The following SLC12A6 variants were observed in gnomAD, a reference collection of about 807,000 sequenced individuals.
SLC12A6 encodes the protein K-Cl cotransporter 3.
In SLC12A6, 66 loss-of-function variants were observed where a neutral mutation model predicts 135.3. The observed-to-expected ratio is 0.49, with a 90% CI of 0.40 to 0.60. SLC12A6 has a LOEUF of 0.60. Among genes scored for constraint, SLC12A6 ranks in the 20% least tolerant of loss-of-function variants. SLC12A6 has a pLI of 0.00. For missense variants in SLC12A6, 1,058 were observed against 1,452.3 expected (o/e 0.73, Z 4.41); for synonymous variants, 513 against 508.8 (o/e 1.01, Z -0.11).
intron 10 of SLC12A6, 59 bp downstream of exon 10, chr15:34,252,111 A>G (rs1273511857): frequency 2.4e-5 from 20 of 827,114 alleles, no homozygotes; most frequent in Non-Finnish European, 4.0e-5. Context: ...ATCTAAGATG[A>G]CAAGGCCTAT....
rs1890980805 is a variant in SLC12A6, at chr15:34,231,951, A to C, written c.*1930T>G. ...TTTCTCTGTCCTTACAGGTCAAATG[A>C]ATAATTTGTGACACCTAGGTCAGCT... On this transcript the variant is annotated 3_prime_UTR_variant, in exon 26 of 26. Transcript: ENST00000354181. 1 of 152,174 alleles carries C rather than the reference A, an allele frequency of 6.6e-6. No individual in the cohort carries two copies. The highest frequency in any genetic ancestry group is 2.4e-5 in the African/African-American group (1 of 41,438). 9.4% of individuals were successfully genotyped at this position (152,174 alleles called of 1,614,324 possible). A position where few individuals can be genotyped will look rare whatever the true frequency, so the allele number is the denominator to read the frequency against.
intron 2 of SLC12A6, among the ~76,000 whole-genome samples, chr15:34,279,263 G>A (rs576390382): frequency 3.9e-5 from 6 of 151,932 alleles, no homozygotes; most frequent in African/African-American, 1.4e-4. Context: ...GCAGTTAGTG[G>A]AGATCAGGCC....
At chr15:34,237,192 G>T in intron 22 of SLC12A6, 2 of 493,824 alleles carry the variant, frequency 4.1e-6, no homozygotes, top group Admixed American at 3.3e-5. Flanking sequence ...AAATATAAGG[G>T]CTGTGTAATA....
At chr15:34,252,449 A>C in intron 9 of SLC12A6, 65 bp from the exon 10 acceptor site, 1 of 959,850 alleles carries the variant, frequency 1.0e-6, no homozygotes, top group Non-Finnish European at 1.7e-6. Flanking sequence ...AAAAAAGGAA[A>C]CAGGTTAGTA....
chr15:34,282,119 C>T (rs1362423470), intron 2 of SLC12A6, among the ~76,000 whole-genome samples: 1 of 152,140 alleles, frequency 6.6e-6, no homozygotes, highest in Non-Finnish European at 1.5e-5. Context: ...GAACCACATA[C>T]TCTACTTCAT....
rs187865813 is a variant in SLC12A6 at position 34,319,856 on chromosome 15, G to A, written c.271+16554C>T. Among the ~76,000 whole-genome samples, 504 of 151,314 alleles carry A rather than the reference G, an allele frequency of 3.3e-3. 3 individuals carry two copies. Among genetic ancestry groups the A allele is most frequent in the African/African-American group, 0.012 (480 of 41,224 alleles). ...TATGTTTAAAGAGTTCAGAACTTTTGTATTGTACAGAGTGGTTGTTTCAAA... is the reference window on the plus strand; with the variant it reads ...TATGTTTAAAGAGTTCAGAACTTTTATATTGTACAGAGTGGTTGTTTCAAA... On this transcript the variant is annotated intron_variant, in intron 2 of 25. Transcript: ENST00000354181.
rs530064276 is a variant in SLC12A6 at position 34,285,238 on chromosome 15, A to G, written c.272-9849T>C. Among the ~76,000 whole-genome samples, 4 of 152,358 alleles carry G rather than the reference A, an allele frequency of 2.6e-5. No homozygotes were observed. The South Asian group carries it at 8.3e-4, about 32-fold the overall frequency. ...GTTAGAAGGCTTTTACAGTGGTCCAAGAAAAGATAATGGTAGTATGGATCA... is the reference window on the plus strand; with the variant it reads ...GTTAGAAGGCTTTTACAGTGGTCCAGGAAAAGATAATGGTAGTATGGATCA... On this transcript the variant is annotated intron_variant, in intron 2 of 25. Transcript: ENST00000354181.
chr15:34,285,717 T>TATACACACACACACACACACACACACACA (rs144158165), intron 2 of SLC12A6, among the ~76,000 whole-genome samples: 32 of 131,104 alleles, frequency 2.4e-4, no homozygotes, highest in South Asian at 1.0e-3. Context: ...TGTGTGTTTG[T>TATACACACACACACACACACACACACACA]CATACATAAA....
At chr15:34,270,279 T>A (rs1893826039) in intron 3 of SLC12A6, among the ~76,000 whole-genome samples, 1 of 149,124 alleles carries the variant, frequency 6.7e-6, no homozygotes, top group African/African-American at 2.6e-5. Context: ...TTTGTAGAGA[T>A]GGGTTCTTGC....
At chr15:34,271,239 T>C (rs991154537) in intron 3 of SLC12A6, among the ~76,000 whole-genome samples, 3 of 152,136 alleles carry the variant, frequency 2.0e-5, no homozygotes, top group Non-Finnish European at 4.4e-5. Flanking sequence ...TAACTTTCAA[T>C]ATTAAACCAA....
At chr15:34,268,878 A>G (rs2140848295) in intron 3 of SLC12A6, among the ~76,000 whole-genome samples, 1 of 148,886 alleles carries the variant, frequency 6.7e-6, no homozygotes, top group Middle Eastern at 3.5e-3. Context: ...TTTTTTTGAG[A>G]CGGAGTCTTG....
At chr15:34,276,895 C>G (rs1014210412) in intron 2 of SLC12A6, among the ~76,000 whole-genome samples, 10 of 152,104 alleles carry the variant, frequency 6.6e-5, no homozygotes, top group Non-Finnish European at 1.5e-4. Context: ...ATTCCAGTTT[C>G]TGATGTATAT....
intron 2 of SLC12A6, among the ~76,000 whole-genome samples, chr15:34,319,292 T>G (rs963057737): frequency 1.3e-5 from 2 of 151,208 alleles, no homozygotes; most frequent in Admixed American, 1.3e-4. Context: ...TGTGCCACCA[T>G]GCCCAGCTAA....
chr15:34,306,500 G>A (rs183674514), intron 2 of SLC12A6, among the ~76,000 whole-genome samples: 115 of 152,286 alleles, frequency 7.6e-4, no homozygotes, highest in Non-Finnish European at 1.4e-3. Context: ...GAAAAGTCCT[G>A]TACCAACTCT....
rs1038033514 is a variant in SLC12A6, at chr15:34,255,115, T to G, written c.876+147A>C. ...CAAACAGAATTTCAACCTTTCCACC[T>G]CATATTCATGTAAGAGGCCAACTGA... On this transcript the variant is annotated intron_variant, in intron 8 of 25. Transcript: ENST00000354181. The G allele has an allele frequency of 4.0e-6, 3 of 751,466 alleles. No homozygotes were observed. The African/African-American group carries it at 5.2e-5, about 13-fold the overall frequency. The allele number at this position is 751,466 out of a possible 1,614,324, so 46.5% of individuals were successfully genotyped here.
chr15:34,307,447 G>C (rs1046352489), intron 2 of SLC12A6, among the ~76,000 whole-genome samples: 48 of 152,216 alleles, frequency 3.2e-4, no homozygotes, highest in African/African-American at 1.2e-3. Context: ...ATATTTGACT[G>C]CTGATAAATA....
chr15:34,242,532 TC>T (rs1030482288), intron 16 of SLC12A6, among the ~76,000 whole-genome samples: 3 of 152,198 alleles, frequency 2.0e-5, no homozygotes, highest in Admixed American at 2.0e-4. Context: ...AGAAGATGTT[TC>T]CAACTGCTGG....
intron 2 of SLC12A6, among the ~76,000 whole-genome samples, chr15:34,310,631 T>A (rs111397817): frequency 4.2e-4 from 8 of 19,272 alleles, no homozygotes; most frequent in Admixed American, 2.3e-3. Context: ...TGGGCTCAAG[T>A]GTGTGTGTGT....
In SLC12A6 at chr15:34,238,272, C is replaced by T; in HGVS notation, c.2762G>A (p.Gly921Glu). The change falls in exon 21 of 26, where the codon GGG becomes GAG. Residue 921 changes from glycine to glutamate, a missense_variant. Gly to Glu is a moderately conservative substitution (Grantham distance 98). Around this residue, in one of 6 missense-constraint regions of SLC12A6, gnomAD observed 245 missense variants for 440.8 expected, o/e 0.56. Coordinates refer to ENST00000354181, the MANE Select transcript of SLC12A6 (RefSeq NM_001365088.1). The part of the protein sequence containing the change: ...IDVWWIVHDG[G>E]MLMLLPFLLK... ...TAGGAATGGTAGTAGCATAAGCATC[C>T]CCCCATCATGCACAATCCACCACAC... The T allele has an allele frequency of 6.2e-7, 1 of 1,613,492 alleles. No individual in the cohort carries two copies. The highest frequency in any genetic ancestry group is 1.6e-4 in the Middle Eastern group (1 of 6,062).
Sources: allele counts gnomAD v4.1 joint callset (sites outside exome capture counted in the v4.1 genomes callset), GRCh38; gene constraint gnomAD v4.1.1; regional missense constraint gnomAD v4.1.1; transcripts MANE v1.5; gene names NCBI Gene and HGNC (gene_info 2026-07-23, HGNC 2026-07-21).